PDE4B: variants seen among roughly 807,000 people sequenced by gnomAD.
The protein encoded by PDE4B is 3',5'-cyclic-AMP phosphodiesterase 4B.
A neutral mutation model predicts 82.2 loss-of-function variants in PDE4B; 20 were observed. The observed-to-expected ratio is 0.24, with a 90% CI of 0.17 to 0.35. PDE4B has a LOEUF of 0.35. Among genes scored for constraint, PDE4B ranks in the 10% least tolerant of loss-of-function variants. The probability of loss-of-function intolerance (pLI) is 1.00; values close to 1 mark genes in which losing one functional copy is unlikely to be tolerated. For missense variants in PDE4B, 655 were observed against 907.2 expected, an observed-to-expected ratio of 0.72 and a Z score of 3.57; for synonymous variants, 320 against 318.9, an observed-to-expected ratio of 1.00 and a Z score of -0.04.
At chr1:66,182,427 CTATTTAAGT>C (rs1206955182) in intron 3 of PDE4B, among the ~76,000 whole-genome samples, 4 of 152,086 alleles carry the variant, frequency 2.6e-5, no homozygotes, top group African/African-American at 9.7e-5. Flanking sequence ...AATTGCTCTC[CTATTTAAGT>C]TAAATGTTTT....
chr1:66,004,285 C>T (rs907679400), intron 3 of PDE4B, among the ~76,000 whole-genome samples: 3 of 152,064 alleles, frequency 2.0e-5, no homozygotes, highest in Admixed American at 1.3e-4. Flanking sequence ...ATGTAAACTA[C>T]TTAAAGATCT....
chr1:65,797,555 G>C (rs1043756115), intron 1 of PDE4B, among the ~76,000 whole-genome samples: 1 of 152,074 alleles, frequency 6.6e-6, no homozygotes, highest in Admixed American at 6.6e-5. Context: ...TGGTGCTTCC[G>C]GGGCTCCCAC....
At chr1:65,902,390 A>G (rs1646981554) in intron 1 of PDE4B, among the ~76,000 whole-genome samples, 5 of 152,144 alleles carry the variant, frequency 3.3e-5, no homozygotes, top group Admixed American at 2.0e-4. Flanking sequence ...ATTGGTAGCT[A>G]AGTATCAGTG....
intron 3 of PDE4B, among the ~76,000 whole-genome samples, chr1:66,136,257 G>C (rs978029677): frequency 6.6e-6 from 1 of 152,188 alleles, no homozygotes; most frequent in Admixed American, 6.5e-5. Flanking sequence ...TGGACTAGTT[G>C]ATATTTGTTC....
chr1:65,804,054 A>C (rs547875302), intron 1 of PDE4B, among the ~76,000 whole-genome samples: 1 of 152,320 alleles, frequency 6.6e-6, no homozygotes, highest in East Asian at 1.9e-4. Context: ...CATGTAAAGA[A>C]ACAGTCTTTA....
intron 4 of PDE4B, among the ~76,000 whole-genome samples, chr1:66,254,554 A>G (rs775985891): frequency 3.0e-4 from 46 of 152,022 alleles, no homozygotes; most frequent in Non-Finnish European, 4.1e-4. Flanking sequence ...GAATTCCCAT[A>G]TCTCAGTCTT....
At chr1:66,112,118 G>A (rs565707043) in intron 3 of PDE4B, among the ~76,000 whole-genome samples, 18 of 152,146 alleles carry the variant, frequency 1.2e-4, no homozygotes, top group African/African-American at 4.3e-4. Flanking sequence ...ATCTCCCGAG[G>A]TGCTGGGAGG....
chr1:66,078,848 C>T (rs1275386563), intron 3 of PDE4B, among the ~76,000 whole-genome samples: 2 of 152,116 alleles, frequency 1.3e-5, no homozygotes, highest in East Asian at 1.9e-4. Flanking sequence ...ACCACTTTAT[C>T]ACCTTCATCA....
intron 3 of PDE4B, among the ~76,000 whole-genome samples, chr1:66,014,584 A>G (rs1363172048): frequency 1.3e-5 from 2 of 152,160 alleles, no homozygotes; most frequent in Admixed American, 1.3e-4. Flanking sequence ...AACCATACAG[A>G]TTTAAGGGAA....
rs1444390620 is a variant in PDE4B at position 66,083,650 on chromosome 1, T to C, written c.282-163810T>C. Among the ~76,000 whole-genome samples the C allele has an allele frequency of 5.3e-5, 8 of 152,136 alleles. No individual in the cohort carries two copies. In the East Asian group the frequency reaches 1.5e-3, roughly 29 times the overall value. The stretch of plus-strand genomic sequence containing the variant: ...CTGTACCTCCTCCATTCCATGCCGC[T>C]CATTTGACCCAGAATGTTTTTCTCC... On this transcript the variant is annotated intron_variant, in intron 3 of 16. Transcript: ENST00000341517.
chr1:66,097,742 C>G (rs1045209764), intron 3 of PDE4B, among the ~76,000 whole-genome samples: 1 of 151,526 alleles, frequency 6.6e-6, no homozygotes, highest in Non-Finnish European at 1.5e-5. Context: ...TCTACAAATT[C>G]TATTATATCT....
chr1:66,174,982 T>G (rs2101361641), intron 3 of PDE4B, among the ~76,000 whole-genome samples: 1 of 152,134 alleles, frequency 6.6e-6, no homozygotes, highest in South Asian at 2.1e-4. Context: ...GCTTAAACCA[T>G]CAAATCTCAT....
intron 3 of PDE4B, among the ~76,000 whole-genome samples, chr1:65,950,838 T>C (rs1049854600): frequency 6.6e-6 from 1 of 152,012 alleles, no homozygotes; most frequent in African/African-American, 2.4e-5. Flanking sequence ...GAAAAGGGAA[T>C]GTGGGCAAAC....
At chr1:66,228,513 A>C (rs1031051336) in intron 3 of PDE4B, among the ~76,000 whole-genome samples, 1 of 151,958 alleles carries the variant, frequency 6.6e-6, no homozygotes, top group Non-Finnish European at 1.5e-5. Context: ...AGTCCCAGCT[A>C]TTCAGGAGGC....
chr1:66,002,281 C>G (rs182172659), intron 3 of PDE4B, among the ~76,000 whole-genome samples: 1 of 152,020 alleles, frequency 6.6e-6, no homozygotes, highest in East Asian at 1.9e-4. Context: ...ATCCTTATCT[C>G]TTTGGTAAAA....
intron 3 of PDE4B, among the ~76,000 whole-genome samples, chr1:66,241,586 A>G (rs775120514): frequency 4.6e-5 from 7 of 151,934 alleles, no homozygotes; most frequent in African/African-American, 9.7e-5. Flanking sequence ...TCTCACTGCA[A>G]TCTCCGCCTT....
intron 3 of PDE4B, among the ~76,000 whole-genome samples, chr1:66,210,087 T>G (rs890650357): frequency 2.0e-5 from 3 of 152,224 alleles, no homozygotes; most frequent in Admixed American, 6.5e-5. Flanking sequence ...ATACAAGAAC[T>G]CTAGGAATAT....
At chr1:66,147,853 A>G (rs1039467062) in intron 3 of PDE4B, among the ~76,000 whole-genome samples, 9 of 152,214 alleles carry the variant, frequency 5.9e-5, no homozygotes, top group African/African-American at 1.9e-4. Flanking sequence ...TTATCACTTG[A>G]GGCACTAATT....
intron 6 of PDE4B, among the ~76,000 whole-genome samples, chr1:66,261,386 C>T (rs925091878): frequency 2.6e-5 from 4 of 152,148 alleles, no homozygotes; most frequent in African/African-American, 9.7e-5. Context: ...CAAACACTCA[C>T]ACATATACAC....
Sources: allele counts gnomAD v4.1 joint callset (sites outside exome capture counted in the v4.1 genomes callset), GRCh38; gene constraint gnomAD v4.1.1; transcripts MANE v1.5; gene names NCBI Gene and HGNC (gene_info 2026-07-23, HGNC 2026-07-21).